The following EXD3 variants were observed in gnomAD, a reference collection of about 807,000 sequenced individuals.
EXD3 encodes exonuclease 3'-5' domain containing 3.
In EXD3, 92 loss-of-function variants were observed where a neutral mutation model predicts 98.0. That is an observed-to-expected ratio of 0.94 (90% CI 0.79 to 1.12). EXD3 has a LOEUF of 1.12. Among genes scored for constraint, EXD3 ranks in the 50% most tolerant of loss-of-function variants. The probability of loss-of-function intolerance (pLI) is 0.00; values close to 1 mark genes in which losing one functional copy is unlikely to be tolerated. For synonymous variants in EXD3, 569 were observed against 526.0 expected (o/e 1.08, Z -1.12); for missense variants, 1,222 against 1,191.6 (o/e 1.03, Z -0.38).
Position 137,379,970 on chromosome 9 carries a change from G to A in EXD3, c.120+3343C>T, listed in dbSNP as rs149419320. On this transcript the variant is annotated intron_variant, in intron 3 of 21. Coordinates refer to ENST00000340951, the MANE Select transcript of EXD3 (RefSeq NM_017820.5). ...GCCACACATGGACCCAGTGCCCACT[G>A]CACCCCTGCCAGCCTCAGGGTCCCA... 4.7e-3 allele frequency among the ~76,000 whole-genome samples: 718 copies of A among 152,042 alleles called. 1 individual carries two copies. Among genetic ancestry groups the A allele is most frequent in the Non-Finnish European group, 7.2e-3 (492 of 67,952 alleles).
At chr9:137,350,474 T>G (rs187677357) in intron 14 of EXD3, among the ~76,000 whole-genome samples, 1 of 75,382 alleles carries the variant, frequency 1.3e-5, no homozygotes, top group Non-Finnish European at 2.3e-5. Flanking sequence ...GGGAGGGGGC[T>G]AGATAGAGAG....
At position 137,403,112 on chromosome 9, in the gene EXD3, G is replaced by A. The variant is rs544292206; in HGVS notation, c.-47-7708C>T. On this transcript the variant is annotated intron_variant, in intron 1 of 21. Coordinates refer to ENST00000340951, the MANE Select transcript of EXD3 (RefSeq NM_017820.5). The surrounding 1 kb of genome is among the most constrained non-coding windows in gnomAD (Gnocchi z 6.1). ...CCCGCCACGGGAGACCCTGTGGCTC[G>A]GCTTGGCTCATTTCCTGCAGGATCC... Among the ~76,000 whole-genome samples the A allele has an allele frequency of 5.9e-5, 9 of 152,136 alleles. No individual in the cohort carries two copies. The South Asian group carries it at 6.2e-4, about 11-fold the overall frequency.
At chr9:137,329,646 A>G (rs866985688) in intron 17 of EXD3, among the ~76,000 whole-genome samples, 13 of 6,804 alleles carry the variant, frequency 1.9e-3, no homozygotes, top group Admixed American at 3.0e-3. Flanking sequence ...ACTACACGGG[A>G]CTACACGGGG....
In EXD3 at chr9:137,352,555, C is replaced by G. The variant is rs1195391365; in HGVS notation, c.1037+65G>C. ...GGCGTGAAGACTGGTGAGCTGTCGT[C>G]CCAAGGGTAGGGGCCACCCTGGGCG... On this transcript the variant is annotated intron_variant, in intron 11 of 21. Transcript: ENST00000340951. 4.5e-5 allele frequency: 64 copies of G among 1,422,102 alleles called. 1 individual carries two copies. Among genetic ancestry groups the G allele is most frequent in the Non-Finnish European group, 6.0e-5 (64 of 1,074,854 alleles). 88.1% of individuals were successfully genotyped at this position (1,422,102 alleles called of 1,614,324 possible).
chr9:137,311,462 C>T (rs970442874), intron 19 of EXD3, among the ~76,000 whole-genome samples: 8 of 152,100 alleles, frequency 5.3e-5, no homozygotes, highest in African/African-American at 1.2e-4. Context: ...TGCAGCAGTG[C>T]GGGATGGGCT....
In EXD3 at chr9:137,307,273, T is replaced by G; in HGVS notation, c.2318-10A>C. On this transcript the variant is annotated splice_polypyrimidine_tract_variant and intron_variant, in intron 21 of 21. Transcript: ENST00000340951. ...GCGTCTGGGGCTGGGCCTGGACAGA[T>G]AGAAGTGGACTCCCTGAGCCCTCAG... is the stretch of plus-strand genomic sequence containing the variant. 6.7e-7 allele frequency: 1 copy of G among 1,492,670 alleles called. No individual in the cohort carries two copies. Among genetic ancestry groups the G allele is most frequent in the South Asian group, 1.3e-5 (1 of 74,602 alleles). The allele number at this position is 1,492,670 out of a possible 1,614,324, so 92.5% of individuals were successfully genotyped here. A position where few individuals can be genotyped will look rare whatever the true frequency, so the allele number is the denominator to read the frequency against.
rs376988548 is a variant in EXD3, at chr9:137,354,430, C to T, written c.832-53G>A. ...TGCCAGGCAGCTCCAGAGGCTGTAT[C>T]GGGGCCTGGTGGGAGTTTTCCTCGA... is the stretch of plus-strand genomic sequence containing the variant. On this transcript the variant is annotated intron_variant, in intron 9 of 21. Coordinates refer to ENST00000340951, the MANE Select transcript of EXD3 (RefSeq NM_017820.5). 567 of 1,610,266 alleles carry T rather than the reference C, an allele frequency of 3.5e-4. No individual in the cohort carries two copies. The African/African-American group carries it at 4.3e-3, about 12-fold the overall frequency.
intron 19 of EXD3, among the ~76,000 whole-genome samples, chr9:137,313,627 G>T (rs1031624760): frequency 6.6e-6 from 1 of 152,170 alleles, no homozygotes; most frequent in Non-Finnish European, 1.5e-5. Context: ...GGCCCCATGG[G>T]GGGTGTGGCA....
intron 2 of EXD3, chr9:137,392,736 T>C (rs1170466489): frequency 8.8e-6 from 3 of 339,926 alleles, no homozygotes; most frequent in African/African-American, 2.5e-5. Context: ...AGCACCAGGC[T>C]GTTCCAGGGG....
chr9:137,319,305 T>G (rs1214428250), intron 19 of EXD3, among the ~76,000 whole-genome samples: 1 of 152,224 alleles, frequency 6.6e-6, no homozygotes, highest in East Asian at 1.9e-4. Context: ...GGTCTGCAGC[T>G]GCGTGGAGCT....
chr9:137,407,902 T>A lies in EXD3; in HGVS notation c.-47-12498A>T, dbSNP rs73668264. On this transcript the variant is annotated intron_variant, in intron 1 of 21. Coordinates refer to ENST00000340951, the MANE Select transcript of EXD3 (RefSeq NM_017820.5). The surrounding 1 kb of genome is among the most constrained non-coding windows in gnomAD (Gnocchi z 4.4). ...GAGGGGGCTTTCCCCTTGGGCACCA[T>A]GGACACCCCAGGCCCCGCAGCACAC... 4.8e-3 allele frequency among the ~76,000 whole-genome samples: 736 copies of A among 152,116 alleles called. 9 individuals are homozygous for A. The highest frequency in any genetic ancestry group is 0.024 in the Middle Eastern group (7 of 294).
At chr9:137,358,144 C>T (rs1284558972) in intron 7 of EXD3, among the ~76,000 whole-genome samples, 2 of 152,220 alleles carry the variant, frequency 1.3e-5, no homozygotes, top group Non-Finnish European at 2.9e-5. Flanking sequence ...TGTTAACCAT[C>T]CCAGTGTGTT....
rs188564103 is a variant in EXD3 at position 137,422,077 on chromosome 9, C to T, written c.-48+1037G>A. 3.0e-4 allele frequency among the ~76,000 whole-genome samples: 45 copies of T among 149,832 alleles called. No homozygotes were observed. The East Asian group carries it at 4.9e-3, about 16-fold the overall frequency. The stretch of plus-strand genomic sequence containing the variant: ...TCACTGAGACCTCATGTTTGCCACC[C>T]TGTAATGCCATTCCAATTCAGTTTG... On this transcript the variant is annotated intron_variant, in intron 1 of 21. Transcript: ENST00000340951.
chr9:137,354,448 T>C (rs1834500964), intron 9 of EXD3, 71 bp from the exon 10 acceptor site: 1 of 1,603,396 alleles, frequency 6.2e-7, no homozygotes, highest in Non-Finnish European at 8.5e-7. Flanking sequence ...GGTGGGAGTT[T>C]TCCTCGACCC....
chr9:137,370,401 C>A (rs2131672393), intron 5 of EXD3, among the ~76,000 whole-genome samples: 1 of 152,130 alleles, frequency 6.6e-6, no homozygotes, highest in East Asian at 1.9e-4. Flanking sequence ...GTCCTGGACC[C>A]CGTGGGAGGA....
rs757823850 is a variant in EXD3 at position 137,352,716 on chromosome 9, A to T, written c.941T>A (p.Val314Asp). Residue 314 changes from valine (V) to aspartate (D), a missense_variant, in exon 11 of 22, where the codon GTC (valine) becomes GAC (aspartate). Physicochemically the swap from Val to Asp is radical, Grantham distance 152. Coordinates refer to ENST00000340951, the MANE Select transcript of EXD3 (RefSeq NM_017820.5). ...SQLLVSHSDP[V>D]TAAQCAMELL... ...TTCCATGGCACACTGGGCGGCCGTGACTGGGTCACTGTGGGAGACCAGCAG... is the reference window on the plus strand; with the variant it reads ...TTCCATGGCACACTGGGCGGCCGTGTCTGGGTCACTGTGGGAGACCAGCAG... 5 of 1,570,972 alleles carry T rather than the reference A, an allele frequency of 3.2e-6. No individual in the cohort carries two copies. Among genetic ancestry groups the T allele is most frequent in the Non-Finnish European group, 4.3e-6 (5 of 1,159,722 alleles).
At chr9:137,323,906 T>TGCCCAG in intron 18 of EXD3, 50 bp from the exon 19 acceptor site, 5 of 1,558,620 alleles carry the variant, frequency 3.2e-6, no homozygotes, top group Non-Finnish European at 4.3e-6. Flanking sequence ...GCCCAGCACC[T>TGCCCAG]GCCCAGGCCC....
chr9:137,417,028 G>T (rs1468059148), intron 1 of EXD3, among the ~76,000 whole-genome samples: 1 of 152,224 alleles, frequency 6.6e-6, no homozygotes, highest in Non-Finnish European at 1.5e-5. Context: ...GATCTCCTCG[G>T]CCTCCCTGTG....
At chr9:137,331,911 G>A (rs772738547) in intron 17 of EXD3, among the ~76,000 whole-genome samples, 16 of 151,812 alleles carry the variant, frequency 1.1e-4, no homozygotes, top group African/African-American at 1.2e-4. Context: ...GTGAGACTCC[G>A]TCTCAAAAAA....
Sources: gnomAD v4.1 joint callset for allele counts (sites outside exome capture counted in the v4.1 genomes callset) on GRCh38, gnomAD v4.1.1 for gene constraint, Gnocchi (gnomAD v3.1) non-coding constraint, MANE v1.5 for transcripts, NCBI Gene and HGNC (gene_info 2026-07-23, HGNC 2026-07-21) for gene names.